DLC1: variants seen among roughly 807,000 people sequenced by gnomAD.
The protein encoded by DLC1 is DLC1 Rho GTPase activating protein, also known as rho GTPase-activating protein 7.
In DLC1, 54 loss-of-function variants were observed where a neutral mutation model predicts 140.3. That is an observed-to-expected ratio of 0.38 (90% confidence interval 0.31 to 0.48). The LOEUF is 0.48. Among genes scored for constraint, DLC1 ranks in the 20% least tolerant of loss-of-function variants. DLC1 has a pLI of 0.96. For synonymous variants in DLC1, 986 were observed against 728.1 expected, an observed-to-expected ratio of 1.35 and a Z score of -5.70; for missense variants, 2,536 against 1,907.0, an observed-to-expected ratio of 1.33 and a Z score of -6.14.
At chr8:13,436,469 T>A (rs1839127128) in intron 2 of DLC1, among the ~76,000 whole-genome samples, 1 of 152,226 alleles carries the variant, frequency 6.6e-6, no homozygotes, top group Non-Finnish European at 1.5e-5. Flanking sequence ...GTTTTCAATC[T>A]TCATTATTTT....
chr8:13,579,315 T>TTATATA (rs369773134), intron 1 of DLC1, among the ~76,000 whole-genome samples: 2 of 10,668 alleles, frequency 1.9e-4, no homozygotes, highest in African/African-American at 6.9e-4. Context: ...AGGTCTGACT[T>TTATATA]TATATATATA....
chr8:13,215,375 C>G (rs1381387894), intron 5 of DLC1, among the ~76,000 whole-genome samples: 4 of 152,118 alleles, frequency 2.6e-5, no homozygotes, highest in Non-Finnish European at 5.9e-5. Context: ...CACTTGTGGT[C>G]AGGAGTTTGA....
intron 5 of DLC1, among the ~76,000 whole-genome samples, chr8:13,246,332 C>G (rs546424653): frequency 6.6e-6 from 1 of 152,082 alleles, no homozygotes; most frequent in Non-Finnish European, 1.5e-5. Flanking sequence ...TATAAGATTG[C>G]CAGGTAACTG....
chr8:13,258,308 G>A (rs954145398), intron 5 of DLC1, among the ~76,000 whole-genome samples: 3 of 152,164 alleles, frequency 2.0e-5, no homozygotes, highest in African/African-American at 7.2e-5. Context: ...ATCTCTTGAA[G>A]TAATAGATCA....
At chr8:13,370,625 G>A (rs1408969666) in intron 4 of DLC1, among the ~76,000 whole-genome samples, 1 of 152,190 alleles carries the variant, frequency 6.6e-6, no homozygotes, top group Non-Finnish European at 1.5e-5. Context: ...CCAGTTGTAG[G>A]GCTGGCTTCA....
chr8:13,575,348 G>C (rs948936147), intron 1 of DLC1, among the ~76,000 whole-genome samples: 3 of 152,032 alleles, frequency 2.0e-5, no homozygotes, highest in South Asian at 2.1e-4. Context: ...GGGTTAGGAG[G>C]GGGGTACGAG....
intron 1 of DLC1, among the ~76,000 whole-genome samples, chr8:13,578,265 T>C (rs567482863): frequency 1.3e-5 from 2 of 152,178 alleles, no homozygotes; most frequent in Non-Finnish European, 2.9e-5. Context: ...CCCAGCCACA[T>C]GTTTCAGTGA....
intron 5 of DLC1, among the ~76,000 whole-genome samples, chr8:13,171,091 G>T (rs117959460): frequency 6.6e-6 from 1 of 152,234 alleles, no homozygotes; most frequent in Non-Finnish European, 1.5e-5. Flanking sequence ...TTGCTAAACT[G>T]ATCAAAGATT....
At chr8:13,317,826 T>C (rs1243001412) in intron 4 of DLC1, among the ~76,000 whole-genome samples, 1 of 152,150 alleles carries the variant, frequency 6.6e-6, no homozygotes, top group African/African-American at 2.4e-5. Context: ...AAATAAGTTG[T>C]AGTCAAGAGT....
At chr8:13,384,445 A>G (rs1324839497) in intron 4 of DLC1, among the ~76,000 whole-genome samples, 1 of 152,226 alleles carries the variant, frequency 6.6e-6, no homozygotes, top group Non-Finnish European at 1.5e-5. Flanking sequence ...GAATGATCTC[A>G]CAACTTTGAT....
rs747673048 is a variant in DLC1 at position 13,091,342 on chromosome 8, G to A, written c.3831C>T (p.Ile1277=). 3.0e-5 allele frequency: 48 copies of A among 1,613,954 alleles called. 1 individual carries two copies. In the Middle Eastern group the frequency reaches 1.2e-3, roughly 39 times the overall value. ...LAATQGLAHM[I]AECKKLFQVP... ...CCTGGAAAAGCTTCTTGCACTCGGCGATCATATGGGCCAGCCCTTGAGTGG... is the reference window on the plus strand; with the variant it reads ...CCTGGAAAAGCTTCTTGCACTCGGCAATCATATGGGCCAGCCCTTGAGTGG... The change falls in exon 14 of 18, where the codon ATC becomes ATT. Residue 1277 remains isoleucine, a synonymous_variant. Transcript: ENST00000276297.
intron 10 of DLC1, among the ~76,000 whole-genome samples, chr8:13,097,624 A>T (rs984680088): frequency 9.2e-5 from 14 of 152,312 alleles, no homozygotes; most frequent in Middle Eastern, 3.4e-3. Flanking sequence ...GTAAATCAAG[A>T]ATTTCAAAGA....
At chr8:13,150,596 T>C (rs1007317914) in intron 5 of DLC1, among the ~76,000 whole-genome samples, 1 of 152,186 alleles carries the variant, frequency 6.6e-6, no homozygotes, top group African/African-American at 2.4e-5. Flanking sequence ...GCATGACATA[T>C]TAGTGGGGAC....
At chr8:13,267,192 C>T (rs1444153381) in intron 5 of DLC1, among the ~76,000 whole-genome samples, 1 of 152,140 alleles carries the variant, frequency 6.6e-6, no homozygotes, top group Non-Finnish European at 1.5e-5. Flanking sequence ...CTTATCAGAG[C>T]TGAAAAACAA....
chr8:13,520,404 A>G (rs62495268), intron 1 of DLC1, among the ~76,000 whole-genome samples: 48,034 of 151,946 alleles, frequency 0.32, 9,296 homozygotes, highest in Non-Finnish European at 0.42. Flanking sequence ...GTTCTCACCC[A>G]TAAGTGGGAG....
intron 5 of DLC1, among the ~76,000 whole-genome samples, chr8:13,261,352 A>AATGGAGTGAAC (rs1488001256): frequency 7.4e-6 from 1 of 135,952 alleles, no homozygotes; most frequent in Non-Finnish European, 1.6e-5. Context: ...GAGTGTATAG[A>AATGGAGTGAAC]ATGGGAAAGG....
Position 13,499,578 on chromosome 8 carries a change from C to A in DLC1, c.494G>T (p.Gly165Val). ...TGCTAATTCAGTTTCACCAGCTATT[C>A]CCCAGGAGTTAGAAGAAACTTGGTT... The part of the protein sequence containing the change: ...QSNQVSSNSW[G>V]IAGETELALV... Residue 165 changes from glycine (G) to valine (V), a missense_variant, in exon 2 of 18, where the codon GGA becomes GTA. Coordinates refer to ENST00000276297, the MANE Select transcript of DLC1 (RefSeq NM_182643.3). 6 of 1,614,144 alleles carry A rather than the reference C, an allele frequency of 3.7e-6. No individual in the cohort carries two copies. The highest frequency in any genetic ancestry group is 5.1e-6 in the Non-Finnish European group (6 of 1,180,000).
chr8:13,147,593 C>G (rs1192786973), intron 5 of DLC1, among the ~76,000 whole-genome samples: 1 of 152,132 alleles, frequency 6.6e-6, no homozygotes, highest in African/African-American at 2.4e-5. Context: ...CAACCAGGAC[C>G]AAGGTTCGAA....
intron 2 of DLC1, among the ~76,000 whole-genome samples, chr8:13,425,397 A>G (rs914861640): frequency 5.3e-5 from 8 of 152,160 alleles, no homozygotes; most frequent in African/African-American, 1.9e-4. Flanking sequence ...GAGTATTTTT[A>G]TTTAGATGAA....
Sources: gnomAD v4.1 joint callset for allele counts (sites outside exome capture counted in the v4.1 genomes callset) on GRCh38, gnomAD v4.1.1 for gene constraint, MANE v1.5 for transcripts, NCBI Gene and HGNC (gene_info 2026-07-23, HGNC 2026-07-21) for gene names.